The following GRM7 variants were observed in gnomAD, a reference collection of about 807,000 sequenced individuals.
GRM7 encodes the protein glutamate metabotropic receptor 7, also known as metabotropic glutamate receptor 7.
A neutral mutation model predicts 84.5 loss-of-function variants in GRM7; 35 were observed. The observed-to-expected ratio is 0.41, with a 90% CI of 0.32 to 0.55. GRM7 has a LOEUF of 0.55. GRM7 is among the 20% of genes least tolerant of loss of function. GRM7 has a pLI of 0.19. For missense variants in GRM7, 1,003 were observed against 1,194.6 expected, an observed-to-expected ratio of 0.84 and a Z score of 2.36; for synonymous variants, 487 against 455.1, an observed-to-expected ratio of 1.07 and a Z score of -0.89.
rs753019669 is a variant in GRM7 at position 7,561,434 on chromosome 3, G to A, written c.1516-16988G>A. ...TTAATACAGTGCATGGAACACAGAAGCTGCTCAGTGAATGGCCTTTGATTA... is the reference window on the plus strand; with the variant it reads ...TTAATACAGTGCATGGAACACAGAAACTGCTCAGTGAATGGCCTTTGATTA... On this transcript the variant is annotated intron_variant, in intron 7 of 9. Coordinates refer to ENST00000357716, the MANE Select transcript of GRM7 (RefSeq NM_000844.4). 67 of 450,930 alleles carry A rather than the reference G, an allele frequency of 1.5e-4. 1 individual carries two copies. The highest frequency in any genetic ancestry group is 9.4e-5 in the Non-Finnish European group (21 of 223,412). The allele number at this position is 450,930 out of a possible 1,614,324, so 27.9% of individuals were successfully genotyped here.
intron 2 of GRM7, among the ~76,000 whole-genome samples, chr3:7,247,210 T>C (rs1275275942): frequency 6.6e-6 from 1 of 152,076 alleles, no homozygotes; most frequent in Non-Finnish European, 1.5e-5. Context: ...AAAAAATACA[T>C]GAGAATATAT....
intron 1 of GRM7, among the ~76,000 whole-genome samples, chr3:6,943,941 T>C (rs1052574935): frequency 6.6e-6 from 1 of 152,210 alleles, no homozygotes; most frequent in South Asian, 2.1e-4. Context: ...TCTGATGCTA[T>C]AGGAAATGAT....
intron 1 of GRM7, among the ~76,000 whole-genome samples, chr3:7,011,951 G>A (rs565686723): frequency 1.3e-5 from 2 of 152,238 alleles, no homozygotes; most frequent in East Asian, 3.9e-4. Flanking sequence ...TGCAAATGAA[G>A]GTTCCTAGAA....
chr3:7,558,184 T>G lies in GRM7; in HGVS notation c.1516-20238T>G, dbSNP rs138782185. On this transcript the variant is annotated intron_variant, in intron 7 of 9. Transcript: ENST00000357716. ...TATGACTTGGATGCATCTTTTAAATTTACATTTAATGCTTGAGCCTGGGTT... is the reference window on the plus strand; with the variant it reads ...TATGACTTGGATGCATCTTTTAAATGTACATTTAATGCTTGAGCCTGGGTT... 8.5e-5 allele frequency among the ~76,000 whole-genome samples: 13 copies of G among 152,228 alleles called. No individual in the cohort carries two copies. In the East Asian group the frequency reaches 2.3e-3, roughly 27 times the overall value.
At chr3:7,555,182 T>A (rs1004055012) in intron 7 of GRM7, among the ~76,000 whole-genome samples, 2 of 152,186 alleles carry the variant, frequency 1.3e-5, no homozygotes, top group Non-Finnish European at 2.9e-5. Context: ...TTAAGCAACA[T>A]TTAGTATAGG....
intron 5 of GRM7, among the ~76,000 whole-genome samples, chr3:7,421,785 G>C (rs1271920721): frequency 6.6e-6 from 1 of 151,986 alleles, no homozygotes; most frequent in Admixed American, 6.6e-5. Flanking sequence ...GGAGGTTCTA[G>C]AGCCTAGGAG....
At chr3:7,107,654 A>G (rs767808246) in intron 1 of GRM7, among the ~76,000 whole-genome samples, 18 of 152,096 alleles carry the variant, frequency 1.2e-4, no homozygotes, top group Non-Finnish European at 2.6e-4. Context: ...CTGTAAAATT[A>G]GTTGCCGGTA....
At chr3:7,094,184 A>G (rs1373577152) in intron 1 of GRM7, among the ~76,000 whole-genome samples, 1 of 152,214 alleles carries the variant, frequency 6.6e-6, no homozygotes, top group East Asian at 1.9e-4. Flanking sequence ...ATTTAATGTC[A>G]GGTAGTGGGA....
intron 4 of GRM7, among the ~76,000 whole-genome samples, chr3:7,386,112 A>G (rs1210582145): frequency 2.0e-5 from 3 of 152,212 alleles, no homozygotes; most frequent in Non-Finnish European, 4.4e-5. Context: ...GCAAGCCAAA[A>G]TAATGATTGA....
chr3:7,554,349 G>A (rs570274390), intron 7 of GRM7, among the ~76,000 whole-genome samples: 1 of 152,152 alleles, frequency 6.6e-6, no homozygotes, highest in African/African-American at 2.4e-5. Flanking sequence ...CAACAATCAT[G>A]TAACAAATAT....
chr3:7,137,104 A>G (rs1312352738), intron 1 of GRM7, among the ~76,000 whole-genome samples: 2 of 152,020 alleles, frequency 1.3e-5, no homozygotes, highest in Admixed American at 1.3e-4. Context: ...AAATAATTCA[A>G]CCACCACAAT....
In GRM7 at chr3:7,505,248, A is replaced by G. The variant is rs149660050; in HGVS notation, c.1515+43526A>G. On this transcript the variant is annotated intron_variant, in intron 7 of 9. Coordinates refer to ENST00000357716, the MANE Select transcript of GRM7 (RefSeq NM_000844.4). ...CAAAATTTCTGGCAGCCCCACCCCT[A>G]TGACTTTGGAGGGCTCCGCCTATGT... 9.2e-5 allele frequency among the ~76,000 whole-genome samples: 14 copies of G among 152,290 alleles called. No individual in the cohort carries two copies. The East Asian group carries it at 1.5e-3, about 17-fold the overall frequency.
At chr3:7,167,732 G>A (rs553507201) in intron 2 of GRM7, among the ~76,000 whole-genome samples, 118 of 152,108 alleles carry the variant, frequency 7.8e-4, no homozygotes, top group Admixed American at 1.6e-3. Flanking sequence ...CTCTTTGGGA[G>A]GCCGAGGCGG....
At chr3:7,279,221 A>C (rs1699174269) in intron 2 of GRM7, among the ~76,000 whole-genome samples, 1 of 152,068 alleles carries the variant, frequency 6.6e-6, no homozygotes, top group Admixed American at 6.6e-5. Context: ...ATCTAAGCAA[A>C]CCTCCATTTA....
intron 1 of GRM7, among the ~76,000 whole-genome samples, chr3:7,067,328 G>T (rs978723211): frequency 6.6e-6 from 1 of 151,828 alleles, no homozygotes; most frequent in South Asian, 2.1e-4. Context: ...AAAGTTCCTG[G>T]ATACAAGATT....
intron 6 of GRM7, among the ~76,000 whole-genome samples, chr3:7,456,225 A>G (rs748015975): frequency 1.3e-5 from 2 of 152,084 alleles, no homozygotes; most frequent in African/African-American, 2.4e-5. Context: ...AAAATTTGTT[A>G]GGTGAGTTTT....
intron 1 of GRM7, among the ~76,000 whole-genome samples, chr3:6,947,370 C>T (rs1191274980): frequency 2.6e-5 from 4 of 151,968 alleles, no homozygotes; most frequent in African/African-American, 7.2e-5. Context: ...GATTTTCATA[C>T]GTTGAACCAG....
Position 6,861,929 on chromosome 3 carries a change from G to A in GRM7, c.519+22G>A. ...CCAGGTAGGGATGCGCTCCCTCCGG[G>A]GCGGAGCACACAGTGGCTACCTGCG... On this transcript the variant is annotated intron_variant, in intron 1 of 9. Coordinates refer to ENST00000357716, the MANE Select transcript of GRM7 (RefSeq NM_000844.4). The surrounding 1 kb of genome is among the most constrained non-coding windows in gnomAD (Gnocchi z 6.4). 6.3e-7 allele frequency: 1 copy of A among 1,587,784 alleles called. No homozygotes were observed. Among genetic ancestry groups the A allele is most frequent in the Non-Finnish European group, 8.6e-7 (1 of 1,163,192 alleles).
At chr3:7,195,706 A>T (rs960022701) in intron 2 of GRM7, among the ~76,000 whole-genome samples, 1 of 152,142 alleles carries the variant, frequency 6.6e-6, no homozygotes, top group Non-Finnish European at 1.5e-5. Context: ...TATAGCAGAG[A>T]ATATTAAAGA....
Sources: gnomAD v4.1 joint callset for allele counts (sites outside exome capture counted in the v4.1 genomes callset) on GRCh38, gnomAD v4.1.1 for gene constraint, Gnocchi (gnomAD v3.1) non-coding constraint, MANE v1.5 for transcripts, NCBI Gene and HGNC (gene_info 2026-07-23, HGNC 2026-07-21) for gene names.